The following PDE1C variants were observed in gnomAD, a reference collection of about 807,000 sequenced individuals.
PDE1C encodes dual specificity calcium/calmodulin-dependent 3',5'-cyclic nucleotide phosphodiesterase 1C.
PDE1C carries 62 observed loss-of-function variants against 93.1 expected under a neutral mutation model. That is an observed-to-expected ratio of 0.67 (90% CI 0.54 to 0.82). The LOEUF (loss-of-function observed/expected upper bound fraction) is 0.82. PDE1C is among the 40% of genes least tolerant of loss of function. The pLI is 0.00. For missense variants in PDE1C, 742 were observed against 884.6 expected (o/e 0.84, Z 2.04); for synonymous variants, 325 against 310.1 (o/e 1.05, Z -0.50).
intron 3 of PDE1C, among the ~76,000 whole-genome samples, chr7:32,103,455 C>T (rs1798135429): frequency 6.6e-6 from 1 of 152,140 alleles, no homozygotes; most frequent in Admixed American, 6.5e-5. Flanking sequence ...ACGGATGCCT[C>T]TCCCACCCAC....
chr7:31,859,644 G>A (rs1199495344), intron 7 of PDE1C, among the ~76,000 whole-genome samples: 3 of 151,640 alleles, frequency 2.0e-5, no homozygotes, highest in African/African-American at 7.3e-5. Context: ...ACCCAATAAG[G>A]GTCCATAAGA....
intron 2 of PDE1C, among the ~76,000 whole-genome samples, chr7:32,015,519 T>C (rs570545993): frequency 2.0e-4 from 30 of 152,290 alleles, no homozygotes; most frequent in Admixed American, 1.8e-3. Flanking sequence ...CTCATATTTC[T>C]GCCTGCCCCC....
At chr7:31,686,808 A>C in the PDE1C span, 5 of 152,182 alleles carry the variant, frequency 3.3e-5, no homozygotes, top group African/African-American at 9.7e-5. Flanking sequence ...CTTCCTCCTC[A>C]TGATAGTACT....
intron 1 of PDE1C, among the ~76,000 whole-genome samples, chr7:32,413,036 C>T (rs1436697354): frequency 1.3e-5 from 2 of 152,122 alleles, no homozygotes; most frequent in Admixed American, 6.5e-5. Flanking sequence ...TTGGGTTACA[C>T]AAGCGTATGC....
chr7:32,276,035 C>A (rs1811262330), intron 1 of PDE1C, among the ~76,000 whole-genome samples: 1 of 152,156 alleles, frequency 6.6e-6, no homozygotes, highest in African/African-American at 2.4e-5. Flanking sequence ...AAAATGCAAA[C>A]ATATTTTCAT....
chr7:32,082,711 G>A (rs1165474735), intron 3 of PDE1C, among the ~76,000 whole-genome samples: 8 of 152,190 alleles, frequency 5.3e-5, no homozygotes, highest in African/African-American at 9.7e-5. Context: ...CCACTGTTCT[G>A]CAGCCACCGC....
chr7:31,656,748 G>A, the PDE1C span, among the ~76,000 whole-genome samples: 6 of 152,134 alleles, frequency 3.9e-5, no homozygotes, highest in East Asian at 1.9e-4. Flanking sequence ...CATGTGTGAT[G>A]GAGGAGAGAA....
At chr7:31,981,491 G>T (rs1390327851) in intron 2 of PDE1C, among the ~76,000 whole-genome samples, 1 of 152,034 alleles carries the variant, frequency 6.6e-6, no homozygotes, top group African/African-American at 2.4e-5. Flanking sequence ...TACTGAAATG[G>T]TTCAATAGAT....
intron 16 of PDE1C, 44 bp downstream of exon 16, chr7:31,808,987 A>C (rs762068137): frequency 3.2e-5 from 36 of 1,132,742 alleles, no homozygotes; most frequent in African/African-American, 6.1e-5. Context: ...CTTACATTAA[A>C]CTGCACATTT....
Position 31,978,327 on chromosome 7 carries a change from A to G in PDE1C, c.128+73227T>C, listed in dbSNP as rs1258093785. Among the ~76,000 whole-genome samples the G allele has an allele frequency of 6.6e-5, 10 of 152,308 alleles. No homozygotes were observed. The East Asian group carries it at 1.7e-3, about 26-fold the overall frequency. On this transcript the variant is annotated intron_variant, in intron 2 of 17. Transcript: ENST00000396191. ...TAACTGATGGGTGTTTAGAGGATGT[A>G]CATTTTAGAAGACTCTTAAATTGAG...
At chr7:31,892,633 C>A (rs1302529879) in intron 2 of PDE1C, among the ~76,000 whole-genome samples, 3 of 152,130 alleles carry the variant, frequency 2.0e-5, no homozygotes, top group Non-Finnish European at 4.4e-5. Context: ...CCACACCCAA[C>A]CTCTAGTAAC....
At chr7:31,867,737 C>T (rs1291419213) in intron 6 of PDE1C, among the ~76,000 whole-genome samples, 1 of 152,210 alleles carries the variant, frequency 6.6e-6, no homozygotes, top group African/African-American at 2.4e-5. Context: ...AAGAATCAGG[C>T]CTCTTGGATC....
At chr7:31,650,095 C>A in the PDE1C span, among the ~76,000 whole-genome samples, 1 of 152,184 alleles carries the variant, frequency 6.6e-6, no homozygotes, top group Non-Finnish European at 1.5e-5. Context: ...AGACCGGGGA[C>A]AGAGGCCCAA....
intron 1 of PDE1C, among the ~76,000 whole-genome samples, chr7:32,328,835 G>T (rs929194559): frequency 6.6e-6 from 1 of 152,176 alleles, no homozygotes; most frequent in Non-Finnish European, 1.5e-5. Flanking sequence ...CTATTAGATT[G>T]TGTGGTCCAC....
At chr7:31,892,291 T>C (rs1798743743) in intron 2 of PDE1C, among the ~76,000 whole-genome samples, 1 of 152,138 alleles carries the variant, frequency 6.6e-6, no homozygotes, top group African/African-American at 2.4e-5. Context: ...TCAGTGATGC[T>C]TGGAGCTTGG....
chr7:31,920,118 A>G (rs1802414564), intron 2 of PDE1C, among the ~76,000 whole-genome samples: 1 of 152,156 alleles, frequency 6.6e-6, no homozygotes, highest in Non-Finnish European at 1.5e-5. Flanking sequence ...GCATCCATTC[A>G]GACAAGGGCT....
At chr7:32,137,584 C>G (rs1032940378) in intron 3 of PDE1C, among the ~76,000 whole-genome samples, 2 of 152,150 alleles carry the variant, frequency 1.3e-5, no homozygotes, top group East Asian at 3.9e-4. Flanking sequence ...GGAGAAGCAG[C>G]AGAAGGGTAA....
intron 16 of PDE1C, among the ~76,000 whole-genome samples, chr7:31,795,000 T>C (rs984023881): frequency 3.3e-5 from 5 of 151,916 alleles, no homozygotes; most frequent in Admixed American, 6.6e-5. Flanking sequence ...CTCCAGGGCA[T>C]AGAATAAAAA....
chr7:31,709,698 G>T, the PDE1C span, among the ~76,000 whole-genome samples: 8 of 152,156 alleles, frequency 5.3e-5, no homozygotes, highest in South Asian at 2.1e-4. Context: ...ATCACTGGGT[G>T]ACTTGGGTGG....
Sources: allele counts gnomAD v4.1 joint callset (sites outside exome capture counted in the v4.1 genomes callset), GRCh38; gene constraint gnomAD v4.1.1; transcripts MANE v1.5; gene names NCBI Gene and HGNC (gene_info 2026-07-23, HGNC 2026-07-21).